The following ILRUN variants were observed in gnomAD, a reference collection of about 807,000 sequenced individuals.
ILRUN encodes the protein inflammation and lipid regulator with UBA-like and NBR1-like domains.
Under a neutral mutation model 33.8 loss-of-function variants are expected in ILRUN, and 3 were observed. The ratio of observed to expected loss-of-function variants is 0.09; its 90% CI spans 0.04 to 0.23. ILRUN has a LOEUF of 0.23. ILRUN is among the 10% of genes least tolerant of loss of function. The pLI, the probability that ILRUN is intolerant of heterozygous loss-of-function variation, is 1.00. For synonymous variants in ILRUN, 124 were observed against 138.9 expected (o/e 0.89, Z 0.75); for missense variants, 210 against 375.1 (o/e 0.56, Z 3.64).
intron 4 of ILRUN, among the ~76,000 whole-genome samples, chr6:34,602,634 C>A (rs530845655): frequency 1.3e-5 from 2 of 152,328 alleles, no homozygotes; most frequent in African/African-American, 4.8e-5. Context: ...ACTTTCTAGC[C>A]TTCACCAGTA....
At chr6:34,636,540 T>C (rs1408726584) in intron 3 of ILRUN, among the ~76,000 whole-genome samples, 1 of 152,162 alleles carries the variant, frequency 6.6e-6, no homozygotes, top group African/African-American at 2.4e-5. Flanking sequence ...TGCAATCTGC[T>C]TTTCAATAGG....
At chr6:34,606,945 C>T (rs771263498) in intron 3 of ILRUN, 41 bp from the exon 4 acceptor site, 10 of 1,496,494 alleles carry the variant, frequency 6.7e-6, no homozygotes, top group South Asian at 2.4e-5. Flanking sequence ...CAGGCTTACC[C>T]TTAAAGGCCC....
intron 2 of ILRUN, among the ~76,000 whole-genome samples, chr6:34,653,823 G>A (rs1762717063): frequency 6.6e-6 from 1 of 151,950 alleles, no homozygotes; most frequent in South Asian, 2.1e-4. Flanking sequence ...TAAAAAATTA[G>A]CTGGGCACAG....
In ILRUN at chr6:34,593,057, T is replaced by C. The variant is rs185215628; in HGVS notation, c.862-2457A>G. On this transcript the variant is annotated intron_variant, in intron 4 of 4. Transcript: ENST00000374023. ...AGTTGGACATGGCGACGCATGGCTG[T>C]AGTCCCAGATACTCAGGAGGCTGAG... Among the ~76,000 whole-genome samples, 430 of 152,118 alleles carry C rather than the reference T, an allele frequency of 2.8e-3. 2 individuals carry two copies. Among genetic ancestry groups the C allele is most frequent in the African/African-American group, 9.9e-3 (412 of 41,508 alleles).
rs766216451 is a variant in ILRUN, at chr6:34,654,785, G to C, written c.159-6C>G. 3 of 1,290,978 alleles carry C rather than the reference G, an allele frequency of 2.3e-6. No homozygotes were observed. Among genetic ancestry groups the C allele is most frequent in the Admixed American group, 1.9e-5 (1 of 53,016 alleles). The allele number at this position is 1,290,978 out of a possible 1,614,324, so 80.0% of individuals were successfully genotyped here. The stretch of plus-strand genomic sequence containing the variant: ...CAATTGCTGCTTGTAGGTTCCTATA[G>C]AAAAAGAGAAAAGGCAACAGACTTC... On this transcript the variant is annotated splice_polypyrimidine_tract_variant and splice_region_variant and intron_variant, in intron 1 of 4. Coordinates refer to ENST00000374023, the MANE Select transcript of ILRUN (RefSeq NM_024294.4).
intron 3 of ILRUN, among the ~76,000 whole-genome samples, chr6:34,623,204 C>T (rs1016260475): frequency 6.3e-4 from 96 of 152,246 alleles, no homozygotes; most frequent in African/African-American, 2.3e-3. Flanking sequence ...GAACTGTACA[C>T]TTAAAAATGG....
At chr6:34,601,711 C>T (rs906932328) in intron 4 of ILRUN, among the ~76,000 whole-genome samples, 1 of 148,170 alleles carries the variant, frequency 6.7e-6, no homozygotes, top group Non-Finnish European at 1.5e-5. Context: ...ACCCGCCCCC[C>T]CAACTACTGT....
At position 34,631,413 on chromosome 6, in the gene ILRUN, C is replaced by T. The variant is rs867457436; in HGVS notation, c.511+15188G>A. Among the ~76,000 whole-genome samples the T allele has an allele frequency of 1.3e-4, 20 of 152,026 alleles. No individual in the cohort carries two copies. The Middle Eastern group carries it at 0.024, about 181-fold the overall frequency. ...CGCGATCTCGGCTCACCGCAACCTC[C>T]GCCTCCTGGGTTCAAGCCATTCTCA... On this transcript the variant is annotated intron_variant, in intron 3 of 4. Coordinates refer to ENST00000374023, the MANE Select transcript of ILRUN (RefSeq NM_024294.4).
chr6:34,675,259 C>T (rs1763204012), intron 1 of ILRUN, among the ~76,000 whole-genome samples: 2 of 151,660 alleles, frequency 1.3e-5, no homozygotes, highest in South Asian at 2.1e-4. Flanking sequence ...CCAGCCTGGG[C>T]GACAAAGCAA....
At chr6:34,630,486 C>T (rs1011921406) in intron 3 of ILRUN, among the ~76,000 whole-genome samples, 3 of 152,102 alleles carry the variant, frequency 2.0e-5, no homozygotes, top group Admixed American at 6.6e-5. Context: ...TGGGTTCAAA[C>T]GATTCTCCTG....
At chr6:34,601,895 G>T (rs1299682922) in intron 4 of ILRUN, among the ~76,000 whole-genome samples, 1 of 152,032 alleles carries the variant, frequency 6.6e-6, no homozygotes, top group East Asian at 1.9e-4. Flanking sequence ...AAAGGGGTGG[G>T]GGTGGGGGAA....
intron 1 of ILRUN, among the ~76,000 whole-genome samples, chr6:34,675,883 TA>T (rs544166907): frequency 2.6e-5 from 4 of 151,980 alleles, no homozygotes; most frequent in Non-Finnish European, 5.9e-5. Flanking sequence ...AAAAACAAAT[TA>T]AAATGAATAC....
intron 4 of ILRUN, chr6:34,595,859 A>C: frequency 1.0e-6 from 1 of 985,426 alleles, no homozygotes; most frequent in Non-Finnish European, 1.2e-6. Context: ...ATCGGATAAC[A>C]CCATGAGGAC....
intron 3 of ILRUN, among the ~76,000 whole-genome samples, chr6:34,644,291 A>G (rs1481162734): frequency 6.6e-6 from 1 of 152,162 alleles, no homozygotes; most frequent in African/African-American, 2.4e-5. Flanking sequence ...GGTAGCATGT[A>G]TTTTAAAAAT....
intron 1 of ILRUN, among the ~76,000 whole-genome samples, chr6:34,663,683 A>G (rs1762938417): frequency 6.6e-6 from 1 of 152,210 alleles, no homozygotes. Context: ...GGTATAATTT[A>G]TGCAGCATAA....
At chr6:34,600,583 A>G (rs1419048646) in intron 4 of ILRUN, among the ~76,000 whole-genome samples, 1 of 152,204 alleles carries the variant, frequency 6.6e-6, no homozygotes, top group South Asian at 2.1e-4. Flanking sequence ...TGTGTGTGAC[A>G]TCAAAAAGTA....
At chr6:34,675,925 G>A (rs766283357) in intron 1 of ILRUN, among the ~76,000 whole-genome samples, 2 of 152,000 alleles carry the variant, frequency 1.3e-5, no homozygotes, top group Non-Finnish European at 2.9e-5. Context: ...CAACAAGGAA[G>A]GTAAAGATAC....
chr6:34,611,195 G>T lies in ILRUN; in HGVS notation c.512-4291C>A, dbSNP rs1761745248. Among the ~76,000 whole-genome samples, 5 of 150,096 alleles carry T rather than the reference G, an allele frequency of 3.3e-5. No homozygotes were observed. In the South Asian group the frequency reaches 1.1e-3, roughly 32 times the overall value. On this transcript the variant is annotated intron_variant, in intron 3 of 4. Coordinates refer to ENST00000374023, the MANE Select transcript of ILRUN (RefSeq NM_024294.4). Reference sequence around the variant, plus strand: ...CTCCTGGGCTCAAGCGATCCTCCTGGTTCAGCCTCTCCAAGTATTGGGATT... The same window carrying T: ...CTCCTGGGCTCAAGCGATCCTCCTGTTTCAGCCTCTCCAAGTATTGGGATT...
intron 3 of ILRUN, among the ~76,000 whole-genome samples, chr6:34,622,036 C>T (rs1762023566): frequency 6.6e-6 from 1 of 152,148 alleles, no homozygotes; most frequent in African/African-American, 2.4e-5. Flanking sequence ...GAGAAAACTG[C>T]ATATCCACGT....
Sources: allele counts gnomAD v4.1 joint callset (sites outside exome capture counted in the v4.1 genomes callset), GRCh38; gene constraint gnomAD v4.1.1; transcripts MANE v1.5; gene names NCBI Gene and HGNC (gene_info 2026-07-23, HGNC 2026-07-21).